Variants in ALOX5 observed in about 807,000 individuals in gnomAD.
The protein encoded by ALOX5 is polyunsaturated fatty acid 5-lipoxygenase.
A neutral mutation model predicts 87.9 loss-of-function variants in ALOX5; 64 were observed. The observed-to-expected ratio is 0.73, with a 90% CI of 0.60 to 0.90. The LOEUF (loss-of-function observed/expected upper bound fraction) is 0.90, where lower values mean the gene tolerates loss of function less well. ALOX5 is among the 40% of genes least tolerant of loss of function. The pLI is 0.00. For missense variants in ALOX5, 822 were observed against 907.5 expected (o/e 0.91, Z 1.21); for synonymous variants, 388 against 355.1 (o/e 1.09, Z -1.04).
At position 45,428,629 on chromosome 10, in the gene ALOX5, T is replaced by C; in HGVS notation, c.846T>C (p.Ile282=). The C allele has an allele frequency of 6.2e-7, 1 of 1,614,112 alleles. No homozygotes were observed. The part of the protein sequence containing the change: ...SLEQEVQQGN[I]FIVDFELLDG... ...TCTGCCTCCTGCAGCAAGGGAACATTTTCATCGTGGACTTTGAGCTGCTGG... is the reference window on the plus strand; with the variant it reads ...TCTGCCTCCTGCAGCAAGGGAACATCTTCATCGTGGACTTTGAGCTGCTGG... Residue 282 remains isoleucine (I), a synonymous_variant, in exon 7 of 14, where the codon ATT becomes ATC. Coordinates refer to ENST00000374391, the MANE Select transcript of ALOX5 (RefSeq NM_000698.5).
chr10:45,410,114 C>A (rs892764523), intron 3 of ALOX5, among the ~76,000 whole-genome samples: 3 of 152,276 alleles, frequency 2.0e-5, no homozygotes, highest in Non-Finnish European at 4.4e-5. Context: ...TGAAAAACAT[C>A]TAGCTCCACT....
At chr10:45,405,663 C>T (rs193160981) in intron 3 of ALOX5, among the ~76,000 whole-genome samples, 1 of 152,132 alleles carries the variant, frequency 6.6e-6, no homozygotes, top group Admixed American at 6.5e-5. Context: ...CCCAGTGTTA[C>T]ACAAATACTT....
intron 4 of ALOX5, among the ~76,000 whole-genome samples, chr10:45,419,583 G>T (rs1841429671): frequency 6.6e-6 from 1 of 152,252 alleles, no homozygotes; most frequent in African/African-American, 2.4e-5. Flanking sequence ...GTCCTGAAGG[G>T]GGATGATCGG....
At chr10:45,433,980 AG>A (rs905576704) in intron 7 of ALOX5, among the ~76,000 whole-genome samples, 14 of 152,226 alleles carry the variant, frequency 9.2e-5, no homozygotes, top group Admixed American at 9.2e-4. Flanking sequence ...GGAACCAAAC[AG>A]CCCAGGACTC....
chr10:45,374,594 T>G (rs952397935), intron 1 of ALOX5, among the ~76,000 whole-genome samples, 165 bp downstream of exon 1: 3 of 151,990 alleles, frequency 2.0e-5, no homozygotes, highest in African/African-American at 7.2e-5. Flanking sequence ...CGGTGGGGCG[T>G]GCCCTGGGCT....
At chr10:45,435,943 T>C (rs982547370) in intron 7 of ALOX5, among the ~76,000 whole-genome samples, 1 of 152,218 alleles carries the variant, frequency 6.6e-6, no homozygotes, top group African/African-American at 2.4e-5. Flanking sequence ...CCAACATCTG[T>C]CATTTTTTTA....
chr10:45,396,481 T>A (rs1304021277), intron 3 of ALOX5, among the ~76,000 whole-genome samples: 1 of 152,164 alleles, frequency 6.6e-6, no homozygotes, highest in Non-Finnish European at 1.5e-5. Context: ...ACAAACTAGT[T>A]AAATGAAATG....
chr10:45,416,663 A>G (rs972334341), intron 4 of ALOX5, among the ~76,000 whole-genome samples: 1 of 152,192 alleles, frequency 6.6e-6, no homozygotes, highest in Admixed American at 6.5e-5. Flanking sequence ...CAGATGGACA[A>G]TCAAACCGAT....
chr10:45,437,005 G>A (rs1320754839), intron 7 of ALOX5, among the ~76,000 whole-genome samples: 2 of 152,094 alleles, frequency 1.3e-5, no homozygotes, highest in Non-Finnish European at 1.5e-5. Context: ...AGATCACCAC[G>A]TTCCTGATAT....
chr10:45,395,395 G>A (rs1475515413), intron 2 of ALOX5, among the ~76,000 whole-genome samples: 1 of 152,146 alleles, frequency 6.6e-6, no homozygotes, highest in Non-Finnish European at 1.5e-5. Flanking sequence ...TCATAGGTGG[G>A]AATTGAACAA....
At chr10:45,418,510 C>A (rs993006100) in intron 4 of ALOX5, among the ~76,000 whole-genome samples, 26 of 152,208 alleles carry the variant, frequency 1.7e-4, no homozygotes, top group Non-Finnish European at 2.9e-5. Flanking sequence ...CACACACCGG[C>A]CTAGGGCTGC....
At chr10:45,393,025 C>A (rs1332966069) in intron 2 of ALOX5, among the ~76,000 whole-genome samples, 1 of 152,146 alleles carries the variant, frequency 6.6e-6, no homozygotes, top group Non-Finnish European at 1.5e-5. Flanking sequence ...ACCAGAGGTA[C>A]AAGGAGGAGC....
chr10:45,381,781 T>C (rs1204154584), intron 1 of ALOX5, among the ~76,000 whole-genome samples: 1 of 152,204 alleles, frequency 6.6e-6, no homozygotes, highest in Non-Finnish European at 1.5e-5. Context: ...GGGCCCAGGA[T>C]TTGTCCATTT....
intron 7 of ALOX5, 124 bp downstream of exon 7, chr10:45,428,888 A>C: frequency 3.1e-6 from 4 of 1,306,776 alleles, no homozygotes; most frequent in Non-Finnish European, 4.2e-6. Flanking sequence ...GGCTTCCTGC[A>C]GGCCCTGAGG....
chr10:45,394,868 C>A (rs1470438175), intron 2 of ALOX5, among the ~76,000 whole-genome samples: 1 of 152,238 alleles, frequency 6.6e-6, no homozygotes, highest in East Asian at 1.9e-4. Flanking sequence ...CTCATCATCA[C>A]TGGCCATCAG....
intron 3 of ALOX5, among the ~76,000 whole-genome samples, chr10:45,399,818 T>C (rs1216130557): frequency 2.0e-5 from 3 of 152,186 alleles, no homozygotes; most frequent in Admixed American, 2.0e-4. Context: ...AAAAACCCCG[T>C]TTAAAAATTA....
In ALOX5 at chr10:45,374,255, G is replaced by C; in HGVS notation, c.-25G>C. ...GGACCGCCGCGCCGAGGCTCCCGGC[G>C]CTCGCTGCTCCCGCGGCCCGCGCCA... On this transcript the variant is annotated 5_prime_UTR_variant, in exon 1 of 14. Coordinates refer to ENST00000374391, the MANE Select transcript of ALOX5 (RefSeq NM_000698.5). 3.4e-6 allele frequency: 5 copies of C among 1,455,552 alleles called. No individual in the cohort carries two copies. Among genetic ancestry groups the C allele is most frequent in the South Asian group, 1.3e-5 (1 of 74,190 alleles). The allele number at this position is 1,455,552 out of a possible 1,614,324, so 90.2% of individuals were successfully genotyped here.
intron 1 of ALOX5, among the ~76,000 whole-genome samples, chr10:45,375,414 G>A (rs1399917249): frequency 6.6e-6 from 1 of 152,148 alleles, no homozygotes; most frequent in Admixed American, 6.5e-5. Context: ...ACTGGTAATA[G>A]TCCCAGACAT....
intron 1 of ALOX5, among the ~76,000 whole-genome samples, chr10:45,381,415 A>T (rs945910360): frequency 2.4e-4 from 36 of 152,248 alleles, no homozygotes; most frequent in Non-Finnish European, 4.3e-4. Flanking sequence ...AAAGAGAGGA[A>T]GTGGCTATGA....
Sources: gnomAD v4.1 joint callset for allele counts (sites outside exome capture counted in the v4.1 genomes callset) on GRCh38, gnomAD v4.1.1 for gene constraint, MANE v1.5 for transcripts, NCBI Gene and HGNC (gene_info 2026-07-23, HGNC 2026-07-21) for gene names.